Variants in ITGAL observed in about 807,000 individuals in gnomAD.
ITGAL encodes the protein integrin subunit alpha L, also known as integrin alpha-L.
A neutral mutation model predicts 138.4 loss-of-function variants in ITGAL; 68 were observed. The observed-to-expected ratio is 0.49, with a 90% CI of 0.40 to 0.60. The LOEUF (loss-of-function observed/expected upper bound fraction) is 0.60. Among genes scored for constraint, ITGAL ranks in the 20% least tolerant of loss-of-function variants. The pLI, the probability that ITGAL is intolerant of heterozygous loss-of-function variation, is 0.00. For missense variants in ITGAL, 1,256 were observed against 1,478.6 expected, an observed-to-expected ratio of 0.85 and a Z score of 2.47; for synonymous variants, 561 against 584.3, an observed-to-expected ratio of 0.96 and a Z score of 0.57.
At chr16:30,490,135 G>A (rs1010612921) in intron 11 of ITGAL, among the ~76,000 whole-genome samples, 1 of 149,866 alleles carries the variant, frequency 6.7e-6, no homozygotes, top group Non-Finnish European at 1.5e-5. Context: ...GCTGAGGCAG[G>A]AGAATCGCTT....
chr16:30,505,239 C>T lies in ITGAL; in HGVS notation c.2236-5C>T. 1.3e-6 allele frequency: 2 copies of T among 1,594,152 alleles called. No individual in the cohort carries two copies. Among genetic ancestry groups the T allele is most frequent in the Non-Finnish European group, 1.7e-6 (2 of 1,166,486 alleles). On this transcript the variant is annotated splice_region_variant and splice_polypyrimidine_tract_variant and intron_variant, in intron 18 of 30. Coordinates refer to ENST00000356798, the MANE Select transcript of ITGAL (RefSeq NM_002209.3). ...TCTCCATCCTGCCCACTACCCCTCG[C>T]TCAGCAGGGCAAGGACATACCGCCC...
chr16:30,503,816 A>G (rs1314726025), intron 17 of ITGAL: 2 of 172,328 alleles, frequency 1.2e-5, no homozygotes, highest in East Asian at 3.3e-4. Context: ...CTCAAGGAAC[A>G]AAATTCTAGA....
intron 9 of ITGAL, among the ~76,000 whole-genome samples, chr16:30,485,432 A>G (rs769934334): frequency 6.6e-6 from 1 of 152,048 alleles, no homozygotes; most frequent in Non-Finnish European, 1.5e-5. Context: ...TCATCGTGTT[A>G]GCCAGGATGA....
intron 24 of ITGAL, among the ~76,000 whole-genome samples, chr16:30,511,910 G>T (rs755911778): frequency 7.2e-5 from 11 of 152,204 alleles, no homozygotes; most frequent in Non-Finnish European, 1.3e-4. Context: ...TGAGAAGACA[G>T]TGAACTAGTG....
At chr16:30,502,124 G>A (rs1015067674) in intron 17 of ITGAL, among the ~76,000 whole-genome samples, 8 of 152,128 alleles carry the variant, frequency 5.3e-5, no homozygotes, top group Admixed American at 1.3e-4. Flanking sequence ...ATGGCCGGGC[G>A]CGGTGGCTCA....
intron 1 of ITGAL, among the ~76,000 whole-genome samples, chr16:30,473,636 C>G (rs2050424264): frequency 6.6e-6 from 1 of 152,160 alleles, no homozygotes; most frequent in African/African-American, 2.4e-5. Flanking sequence ...GGAGAGAAAG[C>G]AGGGCGGAAA....
chr16:30,502,382 G>A (rs1419331170), intron 17 of ITGAL, among the ~76,000 whole-genome samples: 1 of 114,664 alleles, frequency 8.7e-6, no homozygotes, highest in African/African-American at 3.2e-5. Flanking sequence ...GGGCGACAGA[G>A]CAAGACTCCA....
At chr16:30,505,834 C>T (rs2050982089) in intron 20 of ITGAL, among the ~76,000 whole-genome samples, 1 of 152,178 alleles carries the variant, frequency 6.6e-6, no homozygotes, top group Non-Finnish European at 1.5e-5. Context: ...GTAAGCACCA[C>T]TGCACCCCAG....
Position 30,510,365 on chromosome 16 carries a change from A to G in ITGAL, c.2513A>G (p.His838Arg). The G allele has an allele frequency of 6.2e-7, 1 of 1,601,746 alleles. No homozygotes were observed. The highest frequency in any genetic ancestry group is 8.6e-7 in the Non-Finnish European group (1 of 1,168,738). ...SFRKVEMLKP[H>R]SQIPVSCEEL... ...GTTTCCTCCTTTCACTCCCAGCCCC[A>G]TAGCCAGATACCTGTGAGCTGCGAG... Residue 838 changes from histidine to arginine, a missense_variant, in exon 22 of 31, where the codon CAT becomes CGT. His to Arg is a conservative substitution (Grantham distance 29). Coordinates refer to ENST00000356798, the MANE Select transcript of ITGAL (RefSeq NM_002209.3).
intron 13 of ITGAL, among the ~76,000 whole-genome samples, chr16:30,495,464 C>T (rs986353783): frequency 8.5e-5 from 13 of 152,094 alleles, no homozygotes; most frequent in Non-Finnish European, 1.6e-4. Context: ...TGGTAGGCAG[C>T]GCCAAACTTT....
chr16:30,494,363 G>C lies in ITGAL; in HGVS notation c.1365G>C (p.Gln455His). 1 of 1,601,956 alleles carries C rather than the reference G, an allele frequency of 6.2e-7. No individual in the cohort carries two copies. Among genetic ancestry groups the C allele is most frequent in the Non-Finnish European group, 8.5e-7 (1 of 1,171,450 alleles). ...WSQVQTIHGT[Q>H]IGSYFGGELC... ...AGGTCCAGACAATCCATGGGACCCA[G>C]GTGCGCCCAGTCCGAGGGCATCTGC... The change falls in exon 12 of 31, where the codon CAG (glutamine) becomes CAC (histidine). Residue 455 changes from glutamine to histidine, a missense_variant and splice_region_variant. Coordinates refer to ENST00000356798, the MANE Select transcript of ITGAL (RefSeq NM_002209.3). This position sits in a 1 kb window ranked among gnomAD's most constrained non-coding sequence, Gnocchi z 4.2.
rs1414022213 is a variant in ITGAL at position 30,472,968 on chromosome 16, C to G, written c.61+70C>G. On this transcript the variant is annotated intron_variant, in intron 1 of 30. Transcript: ENST00000356798. Reference sequence around the variant, plus strand: ...AGAGAAACTGCAGGGCTTGGTGCAGCTGGAGTAAACAAGGAGCTGCCCCCT... The same window carrying G: ...AGAGAAACTGCAGGGCTTGGTGCAGGTGGAGTAAACAAGGAGCTGCCCCCT... 2.1e-6 allele frequency: 3 copies of G among 1,445,626 alleles called. No homozygotes were observed. The African/African-American group carries it at 4.2e-5, about 20-fold the overall frequency. The allele number at this position is 1,445,626 out of a possible 1,614,324, so 89.5% of individuals were successfully genotyped here.
Position 30,498,231 on chromosome 16 carries a change from A to T in ITGAL, c.1833-843A>T, listed in dbSNP as rs186841961. Among the ~76,000 whole-genome samples the T allele has an allele frequency of 4.9e-4, 73 of 150,484 alleles. 2 individuals carry two copies. The East Asian group carries it at 0.012, about 25-fold the overall frequency. ...TCCCAGCTACTCGGGAGGCTGAGGC[A>T]GGAGAATTGCTTGAGCCCAAGAGGA... On this transcript the variant is annotated intron_variant, in intron 15 of 30. Coordinates refer to ENST00000356798, the MANE Select transcript of ITGAL (RefSeq NM_002209.3).
chr16:30,518,238 G>A (rs547305613), intron 28 of ITGAL, among the ~76,000 whole-genome samples: 4 of 152,048 alleles, frequency 2.6e-5, no homozygotes, highest in South Asian at 2.1e-4. Flanking sequence ...ACTTGAGGTC[G>A]GGAGTTCTAG....
At chr16:30,476,310 G>A (rs1291019076) in intron 4 of ITGAL, among the ~76,000 whole-genome samples, 4 of 151,688 alleles carry the variant, frequency 2.6e-5, no homozygotes. Flanking sequence ...ACAGGTGTGA[G>A]CCACCACACC....
chr16:30,518,863 T>G (rs2051210624), intron 29 of ITGAL, 144 bp downstream of exon 29: 1 of 660,934 alleles, frequency 1.5e-6, no homozygotes, highest in South Asian at 1.7e-5. Flanking sequence ...GGGAGAAGCT[T>G]CTTCTCCCCT....
At chr16:30,510,588 C>T (rs1452721719) in intron 22 of ITGAL, 117 bp downstream of exon 22, 3 of 681,550 alleles carry the variant, frequency 4.4e-6, no homozygotes, top group Non-Finnish European at 7.9e-6. Context: ...GTGTACCTTG[C>T]CCCTACCTAA....
intron 6 of ITGAL, 90 bp from the exon 7 acceptor site, chr16:30,481,345 TAAAA>T (rs57608894): frequency 0.026 from 11,346 of 440,658 alleles, 2 homozygotes; most frequent in East Asian, 0.039. Flanking sequence ...AAACTCCATC[TAAAA>T]AAAAAAAAAA....
chr16:30,475,164 A>G, intron 2 of ITGAL, 142 bp from the exon 3 acceptor site: 1 of 658,556 alleles, frequency 1.5e-6, no homozygotes, highest in Non-Finnish European at 2.7e-6. Context: ...GAGCCACCCC[A>G]CCTGGCCAGA....
Sources: gnomAD v4.1 joint callset for allele counts (sites outside exome capture counted in the v4.1 genomes callset) on GRCh38, gnomAD v4.1.1 for gene constraint, Gnocchi (gnomAD v3.1) non-coding constraint, MANE v1.5 for transcripts, NCBI Gene and HGNC (gene_info 2026-07-23, HGNC 2026-07-21) for gene names.